Variants in GPR63 observed in about 807,000 individuals in gnomAD.
GPR63 encodes the protein probable G protein-coupled receptor 63.
A neutral mutation model predicts 23.1 loss-of-function variants in GPR63; 12 were observed. The ratio of observed to expected loss-of-function variants is 0.52; its 90% CI spans 0.33 to 0.84. The LOEUF (loss-of-function observed/expected upper bound fraction) is 0.84. Among genes scored for constraint, GPR63 ranks in the 40% least tolerant of loss-of-function variants. GPR63 has a pLI of 0.02. For synonymous variants in GPR63, 172 were observed against 191.1 expected (o/e 0.90, Z 0.82); for missense variants, 472 against 515.6 (o/e 0.92, Z 0.82).
intron 1 of GPR63, among the ~76,000 whole-genome samples, chr6:96,835,621 T>C (rs559581749): frequency 2.0e-5 from 3 of 152,326 alleles, no homozygotes; most frequent in Non-Finnish European, 2.9e-5. Flanking sequence ...GTTTTAGTTA[T>C]GTTTATTTTT....
chr6:96,829,291 T>C (rs995150415), intron 1 of GPR63, among the ~76,000 whole-genome samples: 25 of 152,274 alleles, frequency 1.6e-4, no homozygotes, highest in Admixed American at 1.5e-3. Context: ...ACAGACCACA[T>C]CCTCTGACCA....
intron 1 of GPR63, among the ~76,000 whole-genome samples, chr6:96,809,377 C>T (rs1773982280): frequency 6.6e-6 from 1 of 152,132 alleles, no homozygotes; most frequent in Non-Finnish European, 1.5e-5. Flanking sequence ...GATAGGAGCA[C>T]CACATTACAA....
Position 96,798,194 on chromosome 6 carries a change from T to G in GPR63, c.*278A>C. On this transcript the variant is annotated 3_prime_UTR_variant, in exon 2 of 2. Transcript: ENST00000229955. ...TAAAGCACAATCCTGATTCCCACTA[T>G]GAAAACAAAATCAATCAAGGAAAAA... The G allele has an allele frequency of 2.9e-6, 1 of 342,078 alleles. No homozygotes were observed. Among genetic ancestry groups the G allele is most frequent in the East Asian group, 5.0e-5 (1 of 19,946 alleles). The allele number at this position is 342,078 out of a possible 1,614,324, so 21.2% of individuals were successfully genotyped here. A position where few individuals can be genotyped will look rare whatever the true frequency, so the allele number is the denominator to read the frequency against.
intron 1 of GPR63, among the ~76,000 whole-genome samples, chr6:96,818,476 T>A (rs975765419): frequency 1.4e-4 from 21 of 151,724 alleles, no homozygotes; most frequent in Non-Finnish European, 2.5e-4. Context: ...AAAAAAAAAA[T>A]TTTCATGTAC....
chr6:96,808,972 G>A (rs1007548326), intron 1 of GPR63, among the ~76,000 whole-genome samples: 1 of 133,618 alleles, frequency 7.5e-6, no homozygotes, highest in Admixed American at 9.1e-5. Flanking sequence ...TCCCCTTCCT[G>A]TACCAGCTTC....
At chr6:96,816,321 TCCA>T (rs1380764370) in intron 1 of GPR63, among the ~76,000 whole-genome samples, 1 of 152,180 alleles carries the variant, frequency 6.6e-6, no homozygotes, top group African/African-American at 2.4e-5. Flanking sequence ...AAGTTGATAC[TCCA>T]CCAATGGGAA....
rs530303880 is a variant in GPR63 at position 96,826,017 on chromosome 6, T to A, written c.-151+11251A>T. 2.6e-5 allele frequency among the ~76,000 whole-genome samples: 4 copies of A among 152,154 alleles called. No homozygotes were observed. In the South Asian group the frequency reaches 6.2e-4, roughly 24 times the overall value. ...ACTAAAATATAAAAAATAAAAAGAA[T>A]AAAAACAAACATTTCTTTAAAATGT... On this transcript the variant is annotated intron_variant, in intron 1 of 1. Transcript: ENST00000229955.
rs1278875393 is a variant in GPR63 at position 96,795,435 on chromosome 6, T to C, written c.*3037A>G. ...ACCTACGTTTCTCAAAGGTGCTCCATAGTACTTATTTTTAAAGCTTTCACA... is the reference window on the plus strand; with the variant it reads ...ACCTACGTTTCTCAAAGGTGCTCCACAGTACTTATTTTTAAAGCTTTCACA... On this transcript the variant is annotated 3_prime_UTR_variant, in exon 2 of 2. Transcript: ENST00000229955. 2.0e-5 allele frequency: 3 copies of C among 152,212 alleles called. No homozygotes were observed. The highest frequency in any genetic ancestry group is 4.8e-5 in the African/African-American group (2 of 41,450). The allele number at this position is 152,212 out of a possible 1,614,324, so 9.4% of individuals were successfully genotyped here.
In GPR63 at chr6:96,834,451, T is replaced by C. The variant is rs556786295; in HGVS notation, c.-151+2817A>G. 3.3e-5 allele frequency among the ~76,000 whole-genome samples: 5 copies of C among 152,180 alleles called. No individual in the cohort carries two copies. In the South Asian group the frequency reaches 1.0e-3, roughly 32 times the overall value. ...ATGATCTCAGGCTGGTAGTCAAACA[T>C]CTCAAATGTTGTGTTTTGAAAGTTG... On this transcript the variant is annotated intron_variant, in intron 1 of 1. Transcript: ENST00000229955.
Position 96,794,245 on chromosome 6 carries a change from T to C in GPR63, c.*4227A>G, listed in dbSNP as rs1773525423. On this transcript the variant is annotated 3_prime_UTR_variant, in exon 2 of 2. Coordinates refer to ENST00000229955, the MANE Select transcript of GPR63 (RefSeq NM_030784.4). ...ATTAGAACCCATAATTCAAGGTTGT[T>C]TTTTTTTCCATACAGGTCAGTTACT... is the stretch of plus-strand genomic sequence containing the variant. 1 of 152,024 alleles carries C rather than the reference T, an allele frequency of 6.6e-6. No homozygotes were observed. Among genetic ancestry groups the C allele is most frequent in the Non-Finnish European group, 1.5e-5 (1 of 67,974 alleles). 9.4% of individuals were successfully genotyped at this position (152,024 alleles called of 1,614,324 possible).
intron 1 of GPR63, among the ~76,000 whole-genome samples, chr6:96,806,000 A>G (rs539700914): frequency 2.5e-4 from 38 of 152,182 alleles, no homozygotes; most frequent in African/African-American, 8.7e-4. Context: ...GGTTTTCTCT[A>G]TATGTGTTAG....
At chr6:96,801,263 G>A (rs574609165) in intron 1 of GPR63, among the ~76,000 whole-genome samples, 1 of 149,780 alleles carries the variant, frequency 6.7e-6, no homozygotes, top group African/African-American at 2.5e-5. Context: ...CAGATGGTGC[G>A]ATCTCAGCTC....
intron 1 of GPR63, among the ~76,000 whole-genome samples, chr6:96,810,028 T>A (rs1774001467): frequency 6.6e-6 from 1 of 152,202 alleles, no homozygotes; most frequent in South Asian, 2.1e-4. Flanking sequence ...TATGAACTGG[T>A]ACAGCATTTT....
intron 1 of GPR63, among the ~76,000 whole-genome samples, chr6:96,807,168 A>C (rs903560194): frequency 6.6e-6 from 1 of 152,268 alleles, no homozygotes; most frequent in Non-Finnish European, 1.5e-5. Flanking sequence ...CTTGATAATC[A>C]GGCAGACAAG....
intron 1 of GPR63, among the ~76,000 whole-genome samples, chr6:96,821,771 G>T (rs1162693512): frequency 6.6e-6 from 1 of 152,096 alleles, no homozygotes; most frequent in African/African-American, 2.4e-5. Flanking sequence ...CTAAAAACAA[G>T]TGAAAGACAT....
intron 1 of GPR63, among the ~76,000 whole-genome samples, chr6:96,822,868 T>C (rs1774347230): frequency 6.6e-6 from 1 of 152,242 alleles, no homozygotes; most frequent in East Asian, 1.9e-4. Context: ...ATTCCTCATT[T>C]ACAGTCATGT....
chr6:96,820,974 A>T (rs1238091002), intron 1 of GPR63, among the ~76,000 whole-genome samples: 2 of 152,140 alleles, frequency 1.3e-5, no homozygotes, highest in African/African-American at 2.4e-5. Flanking sequence ...AGGGAATAAA[A>T]AGTCAGTCGG....
chr6:96,811,465 CA>C (rs1774042029), intron 1 of GPR63, among the ~76,000 whole-genome samples: 1 of 152,182 alleles, frequency 6.6e-6, no homozygotes, highest in Non-Finnish European at 1.5e-5. Flanking sequence ...CATTATGGAG[CA>C]TCTCTCTCTC....
chr6:96,814,479 T>C (rs932420568), intron 1 of GPR63, among the ~76,000 whole-genome samples: 7 of 152,136 alleles, frequency 4.6e-5, no homozygotes, highest in African/African-American at 1.7e-4. Context: ...AGAAGTTATG[T>C]TCCCCATTTT....
Sources: allele counts gnomAD v4.1 joint callset (sites outside exome capture counted in the v4.1 genomes callset), GRCh38; gene constraint gnomAD v4.1.1; transcripts MANE v1.5; gene names NCBI Gene and HGNC (gene_info 2026-07-23, HGNC 2026-07-21).